The following APP variants were observed in gnomAD, a reference collection of about 807,000 sequenced individuals.
APP encodes amyloid beta precursor protein.
Under a neutral mutation model 101.4 loss-of-function variants are expected in APP, and 31 were observed. That is an observed-to-expected ratio of 0.31 (90% confidence interval 0.23 to 0.41). APP has a LOEUF of 0.41. APP is among the 10% of genes least tolerant of loss of function. The pLI is 1.00. For synonymous variants in APP, 366 were observed against 364.4 expected (o/e 1.00, Z -0.05); for missense variants, 839 against 1,003.7 (o/e 0.84, Z 2.22).
At chr21:26,164,443 G>A (rs1470017870) in intron 1 of APP, among the ~76,000 whole-genome samples, 1 of 152,084 alleles carries the variant, frequency 6.6e-6, no homozygotes, top group South Asian at 2.1e-4. Context: ...CTGTTTATTC[G>A]TTTTGCTAGC....
At chr21:25,999,136 C>CA (rs1262809507) in intron 7 of APP, among the ~76,000 whole-genome samples, 1 of 151,898 alleles carries the variant, frequency 6.6e-6, no homozygotes, top group African/African-American at 2.4e-5. Flanking sequence ...ACCAAAAATA[C>CA]AAAAAATTAG....
intron 3 of APP, among the ~76,000 whole-genome samples, chr21:26,058,338 A>G (rs1371546388): frequency 6.6e-6 from 1 of 152,206 alleles, no homozygotes; most frequent in Non-Finnish European, 1.5e-5. Flanking sequence ...ATCTGGTCAC[A>G]TGCACCTGCA....
At chr21:26,135,578 C>G (rs1026359609) in intron 1 of APP, among the ~76,000 whole-genome samples, 3 of 152,140 alleles carry the variant, frequency 2.0e-5, no homozygotes, top group Admixed American at 2.0e-4. Context: ...AAATTATATA[C>G]AGAAGGCAGC....
At chr21:25,912,422 C>A (rs1277254283) in intron 13 of APP, among the ~76,000 whole-genome samples, 1 of 152,194 alleles carries the variant, frequency 6.6e-6, no homozygotes, top group African/African-American at 2.4e-5. Context: ...TTGCCTTGCA[C>A]ACTTGCAAGG....
At chr21:26,064,893 G>A (rs771055213) in intron 3 of APP, among the ~76,000 whole-genome samples, 12 of 152,030 alleles carry the variant, frequency 7.9e-5, no homozygotes, top group African/African-American at 2.7e-4. Flanking sequence ...TCATTCTGTC[G>A]CCCAGGCTGG....
At chr21:26,080,297 T>TA (rs1189687923) in intron 3 of APP, among the ~76,000 whole-genome samples, 7 of 152,310 alleles carry the variant, frequency 4.6e-5, no homozygotes, top group South Asian at 4.1e-4. Context: ...AACACACATA[T>TA]AATTAGTGGT....
chr21:25,898,345 T>C (rs1420023851), intron 15 of APP, among the ~76,000 whole-genome samples: 4 of 152,206 alleles, frequency 2.6e-5, no homozygotes, highest in African/African-American at 4.8e-5. Context: ...TAAATTGCTA[T>C]ATGATTCTTA....
At chr21:26,065,265 T>C (rs2046414910) in intron 3 of APP, among the ~76,000 whole-genome samples, 2 of 152,114 alleles carry the variant, frequency 1.3e-5, no homozygotes, top group African/African-American at 4.8e-5. Flanking sequence ...CTACCATACA[T>C]AGAGGCATAC....
chr21:26,137,170 C>T (rs1042792696), intron 1 of APP, among the ~76,000 whole-genome samples: 1 of 152,142 alleles, frequency 6.6e-6, no homozygotes, highest in African/African-American at 2.4e-5. Flanking sequence ...TCAAGTGATC[C>T]GCCCACCTCG....
chr21:26,100,089 AAAAT>A (rs1253289728), intron 2 of APP, among the ~76,000 whole-genome samples: 3 of 152,236 alleles, frequency 2.0e-5, no homozygotes, highest in Non-Finnish European at 4.4e-5. Flanking sequence ...GAGAGAAATA[AAAAT>A]AAATAGGACA....
intron 2 of APP, among the ~76,000 whole-genome samples, chr21:26,096,272 CCTG>C (rs1392711951): frequency 6.6e-6 from 1 of 152,188 alleles, no homozygotes; most frequent in African/African-American, 2.4e-5. Context: ...GTACTGCCTG[CCTG>C]GTGAAAAGAA....
intron 13 of APP, among the ~76,000 whole-genome samples, chr21:25,948,189 C>A: frequency 6.7e-6 from 1 of 148,300 alleles, no homozygotes; most frequent in African/African-American, 2.5e-5. Flanking sequence ...TCATCCTTGA[C>A]TAACAATTAC....
chr21:26,123,856 A>G (rs1348391246), intron 1 of APP, among the ~76,000 whole-genome samples: 4 of 152,184 alleles, frequency 2.6e-5, no homozygotes, highest in Non-Finnish European at 4.4e-5. Flanking sequence ...AAAAATATGC[A>G]GACGCCAATA....
intron 2 of APP, among the ~76,000 whole-genome samples, chr21:26,108,094 T>C (rs1042019084): frequency 6.6e-6 from 1 of 152,204 alleles, no homozygotes; most frequent in African/African-American, 2.4e-5. Flanking sequence ...TCTAAGACCC[T>C]TACAGCTCAG....
At chr21:26,120,919 C>G (rs2062551999) in intron 1 of APP, among the ~76,000 whole-genome samples, 1 of 152,204 alleles carries the variant, frequency 6.6e-6, no homozygotes, top group Non-Finnish European at 1.5e-5. Flanking sequence ...CTACTGCAAT[C>G]ACACTCCATC....
At chr21:26,149,610 T>C (rs1384921241) in intron 1 of APP, among the ~76,000 whole-genome samples, 1 of 152,242 alleles carries the variant, frequency 6.6e-6, no homozygotes, top group African/African-American at 2.4e-5. Flanking sequence ...CTAAGTATAA[T>C]ACAATAATTC....
intron 5 of APP, among the ~76,000 whole-genome samples, chr21:26,032,447 C>T (rs985648743): frequency 3.9e-5 from 6 of 152,158 alleles, no homozygotes; most frequent in Non-Finnish European, 5.9e-5. Context: ...TGGTGACTTT[C>T]CAGAGCTCAG....
chr21:26,014,402 G>A (rs2043960756), intron 6 of APP, among the ~76,000 whole-genome samples: 1 of 152,176 alleles, frequency 6.6e-6, no homozygotes, highest in South Asian at 2.1e-4. Flanking sequence ...AAGCTACTCT[G>A]ATTTACTTCA....
intron 3 of APP, 39 bp downstream of exon 3, chr21:26,089,904 G>GC (rs1184362685): frequency 6.2e-7 from 1 of 1,612,974 alleles, no homozygotes; most frequent in African/African-American, 1.3e-5. Context: ...TCAAGACCAG[G>GC]CCCCCAATCA....
Sources: gnomAD v4.1 joint callset for allele counts (sites outside exome capture counted in the v4.1 genomes callset) on GRCh38, gnomAD v4.1.1 for gene constraint, MANE v1.5 for transcripts, NCBI Gene and HGNC (gene_info 2026-07-23, HGNC 2026-07-21) for gene names.